IQCM: variants seen among roughly 807,000 people sequenced by gnomAD.
IQCM encodes the protein IQ domain-containing protein M.
Under a neutral mutation model 57.6 loss-of-function variants are expected in IQCM, and 45 were observed. That is an observed-to-expected ratio of 0.78 (90% confidence interval 0.62 to 1.00). IQCM has a LOEUF of 1.00. IQCM is among the 50% of genes least tolerant of loss of function. The pLI, the probability that IQCM is intolerant of heterozygous loss-of-function variation, is 0.00. For missense variants in IQCM, 468 were observed against 511.6 expected (o/e 0.91, Z 0.82); for synonymous variants, 148 against 158.9 (o/e 0.93, Z 0.51).
intron 2 of IQCM, among the ~76,000 whole-genome samples, chr4:149,794,229 T>C (rs1772906825): frequency 6.6e-6 from 1 of 152,200 alleles, no homozygotes; most frequent in Non-Finnish European, 1.5e-5. Context: ...TACTGACTAC[T>C]GAACAGCTGG....
At chr4:149,733,576 A>G (rs1285316487) in intron 4 of IQCM, 68 bp from the exon 5 acceptor site, 1 of 776,160 alleles carries the variant, frequency 1.3e-6, no homozygotes, top group Non-Finnish European at 1.7e-6. Flanking sequence ...ATAAAGTTAT[A>G]TATTTTATTA....
intron 13 of IQCM, among the ~76,000 whole-genome samples, chr4:149,422,400 C>G (rs1281031741): frequency 6.6e-6 from 1 of 151,862 alleles, no homozygotes; most frequent in Non-Finnish European, 1.5e-5. Flanking sequence ...CCTCTACTCC[C>G]AAGAAAGCAA....
intron 2 of IQCM, among the ~76,000 whole-genome samples, chr4:149,797,688 A>G (rs1258595355): frequency 6.6e-6 from 1 of 152,100 alleles, no homozygotes; most frequent in Non-Finnish European, 1.5e-5. Flanking sequence ...GCAAGAGAAA[A>G]GAAACAAATA....
intron 3 of IQCM, among the ~76,000 whole-genome samples, chr4:149,741,156 G>T (rs147895866): frequency 1.3e-5 from 2 of 151,882 alleles, no homozygotes; most frequent in Non-Finnish European, 2.9e-5. Flanking sequence ...ATTTTTTTCC[G>T]TAATACATTC....
At chr4:149,632,327 C>T (rs1757336161) in intron 7 of IQCM, among the ~76,000 whole-genome samples, 1 of 152,130 alleles carries the variant, frequency 6.6e-6, no homozygotes, top group Non-Finnish European at 1.5e-5. Context: ...CAAAAACTAC[C>T]TACAAAACGT....
chr4:149,731,068 A>G (rs1329833472), intron 5 of IQCM, among the ~76,000 whole-genome samples: 2 of 151,996 alleles, frequency 1.3e-5, no homozygotes, highest in Non-Finnish European at 2.9e-5. Context: ...TGAATTCGTT[A>G]TTTTCCCCCA....
chr4:149,717,802 G>A (rs566664870), intron 5 of IQCM, among the ~76,000 whole-genome samples: 269 of 152,178 alleles, frequency 1.8e-3, no homozygotes, highest in African/African-American at 5.2e-3. Context: ...ATGTCCTAAC[G>A]GGCCTAACAC....
intron 10 of IQCM, among the ~76,000 whole-genome samples, chr4:149,554,569 C>T (rs1749362986): frequency 6.6e-6 from 1 of 152,040 alleles, no homozygotes. Flanking sequence ...CCACCTCGGC[C>T]TCCCAAAGTG....
At chr4:149,502,504 C>CAAACA (rs1185844623) in intron 12 of IQCM, among the ~76,000 whole-genome samples, 2 of 152,028 alleles carry the variant, frequency 1.3e-5, no homozygotes, top group African/African-American at 4.8e-5. Flanking sequence ...CCTGTCTCTG[C>CAAACA]AAACAAAACA....
intron 13 of IQCM, among the ~76,000 whole-genome samples, chr4:149,356,209 A>T (rs1236566526): frequency 1.3e-5 from 2 of 152,042 alleles, no homozygotes; most frequent in East Asian, 3.9e-4. Flanking sequence ...GTTCACTCTG[A>T]TGGTGGTTTC....
chr4:149,753,292 A>G (rs1024513713), intron 2 of IQCM, among the ~76,000 whole-genome samples: 3 of 152,172 alleles, frequency 2.0e-5, no homozygotes, highest in Non-Finnish European at 4.4e-5. Context: ...AAGTAGGTTA[A>G]GACTCTACCA....
intron 10 of IQCM, among the ~76,000 whole-genome samples, chr4:149,563,391 A>G (rs764118482): frequency 1.3e-5 from 2 of 152,176 alleles, no homozygotes. Context: ...AACTGTCATC[A>G]TAACAGATTA....
At chr4:149,793,410 G>A (rs1772820125) in intron 2 of IQCM, among the ~76,000 whole-genome samples, 1 of 152,078 alleles carries the variant, frequency 6.6e-6, no homozygotes, top group Non-Finnish European at 1.5e-5. Context: ...TACTCCTAGT[G>A]CCTCTCTCTT....
At chr4:149,777,371 C>T (rs1338998071) in intron 2 of IQCM, among the ~76,000 whole-genome samples, 1 of 152,048 alleles carries the variant, frequency 6.6e-6, no homozygotes, top group Non-Finnish European at 1.5e-5. Context: ...TTTAGAACAC[C>T]GTCTGGTTCA....
chr4:149,563,140 T>G (rs1009112678), intron 10 of IQCM, among the ~76,000 whole-genome samples: 3 of 152,180 alleles, frequency 2.0e-5, no homozygotes, highest in African/African-American at 7.2e-5. Context: ...ACCAGGTAGA[T>G]ATTTGTATAT....
chr4:149,454,152 A>T (rs1199198116), intron 12 of IQCM, among the ~76,000 whole-genome samples: 3 of 145,850 alleles, frequency 2.1e-5, no homozygotes, highest in Non-Finnish European at 4.5e-5. Context: ...AATGTGATAT[A>T]TATATATATA....
intron 5 of IQCM, among the ~76,000 whole-genome samples, chr4:149,701,471 G>A (rs1166053606): frequency 6.6e-6 from 1 of 152,024 alleles, no homozygotes; most frequent in Admixed American, 6.6e-5. Flanking sequence ...ATGAGAGAGT[G>A]TTTGAGAATA....
At chr4:149,755,002 C>A (rs1768828201) in intron 2 of IQCM, among the ~76,000 whole-genome samples, 1 of 152,178 alleles carries the variant, frequency 6.6e-6, no homozygotes, top group Admixed American at 6.5e-5. Flanking sequence ...TGAGGCCAGA[C>A]AATCATCTTT....
intron 5 of IQCM, among the ~76,000 whole-genome samples, chr4:149,731,254 T>G (rs1766431192): frequency 1.3e-5 from 2 of 152,208 alleles, no homozygotes; most frequent in African/African-American, 4.8e-5. Context: ...ATTAATGTCC[T>G]AATAAGAGAG....
Sources: allele counts gnomAD v4.1 joint callset (sites outside exome capture counted in the v4.1 genomes callset), GRCh38; gene constraint gnomAD v4.1.1; transcripts MANE v1.5; gene names NCBI Gene and HGNC (gene_info 2026-07-23, HGNC 2026-07-21).